Variants in SLC4A10 observed in about 807,000 individuals in gnomAD.
The protein encoded by SLC4A10 is sodium-driven chloride bicarbonate exchanger.
A neutral mutation model predicts 137.7 loss-of-function variants in SLC4A10; 42 were observed. That is an observed-to-expected ratio of 0.30 (90% confidence interval 0.24 to 0.39). SLC4A10 has a LOEUF of 0.39. Ranked by LOEUF, SLC4A10 falls within the 10% of genes least tolerant of loss-of-function variation. The pLI, the probability that SLC4A10 is intolerant of heterozygous loss-of-function variation, is 1.00. For missense variants in SLC4A10, 925 were observed against 1,355.0 expected (o/e 0.68, Z 4.98); for synonymous variants, 474 against 464.1 (o/e 1.02, Z -0.27).
intron 5 of SLC4A10, 50 bp downstream of exon 5, chr2:161,855,180 T>A: frequency 6.6e-7 from 1 of 1,522,108 alleles, no homozygotes; most frequent in Non-Finnish European, 8.9e-7. Flanking sequence ...TAATTTTTTG[T>A]TACTCTCTTT....
At chr2:161,956,224 G>A (rs1695635925) in intron 19 of SLC4A10, among the ~76,000 whole-genome samples, 1 of 152,086 alleles carries the variant, frequency 6.6e-6, no homozygotes, top group Non-Finnish European at 1.5e-5. Context: ...AGCCCAGTGA[G>A]GTGCCTTCTA....
chr2:161,839,759 TCATGG>T (rs1406091858), intron 3 of SLC4A10, 25 bp from the exon 4 acceptor site: 6 of 1,611,864 alleles, frequency 3.7e-6, no homozygotes, highest in Non-Finnish European at 5.1e-6. Flanking sequence ...TAATACATGT[TCATGG>T]TAATACATGT....
intron 22 of SLC4A10, among the ~76,000 whole-genome samples, chr2:161,964,802 G>GT (rs1417252365): frequency 6.6e-6 from 1 of 151,880 alleles, no homozygotes; most frequent in Non-Finnish European, 1.5e-5. Flanking sequence ...CATTTTATAG[G>GT]TTTTTTAAAA....
intron 21 of SLC4A10, among the ~76,000 whole-genome samples, chr2:161,962,139 CTA>C (rs1696832487): frequency 6.6e-6 from 1 of 152,216 alleles, no homozygotes; most frequent in African/African-American, 2.4e-5. Flanking sequence ...TTGAAGGAAT[CTA>C]TGTTACCTGC....
intron 3 of SLC4A10, among the ~76,000 whole-genome samples, chr2:161,810,205 TG>T (rs2056405345): frequency 6.6e-6 from 1 of 152,090 alleles, no homozygotes; most frequent in Non-Finnish European, 1.5e-5. Flanking sequence ...TATTGACTTT[TG>T]TACATTGATT....
chr2:161,630,731 A>G (rs138951267), intron 1 of SLC4A10, among the ~76,000 whole-genome samples: 1 of 151,804 alleles, frequency 6.6e-6, no homozygotes, highest in African/African-American at 2.4e-5. Flanking sequence ...AATAATAGAT[A>G]TTGTCTCAGG....
chr2:161,806,913 T>G (rs1200712656), intron 3 of SLC4A10, among the ~76,000 whole-genome samples: 1 of 152,154 alleles, frequency 6.6e-6, no homozygotes, highest in African/African-American at 2.4e-5. Flanking sequence ...ATTAATATGT[T>G]TTCACACTGC....
At chr2:161,788,980 G>A (rs1330636738) in intron 2 of SLC4A10, among the ~76,000 whole-genome samples, 2 of 152,176 alleles carry the variant, frequency 1.3e-5, no homozygotes, top group Non-Finnish European at 2.9e-5. Flanking sequence ...CCAGAGACCC[G>A]CCAGTCTCCT....
chr2:161,822,195 A>G (rs1225709110), intron 3 of SLC4A10, among the ~76,000 whole-genome samples: 1 of 152,224 alleles, frequency 6.6e-6, no homozygotes, highest in Non-Finnish European at 1.5e-5. Flanking sequence ...ACTCATGTAC[A>G]TAGCAATTGA....
chr2:161,945,933 G>C (rs1411956838), intron 16 of SLC4A10, among the ~76,000 whole-genome samples: 2 of 151,872 alleles, frequency 1.3e-5, no homozygotes, highest in Non-Finnish European at 2.9e-5. Context: ...TAGATAATGT[G>C]TTTATCATGG....
intron 15 of SLC4A10, among the ~76,000 whole-genome samples, chr2:161,915,096 C>T (rs997498652): frequency 6.6e-6 from 1 of 152,090 alleles, no homozygotes; most frequent in African/African-American, 2.4e-5. Context: ...ATAAAGACCC[C>T]AGACTCAGCC....
intron 15 of SLC4A10, among the ~76,000 whole-genome samples, chr2:161,923,305 G>T (rs1010856058): frequency 6.6e-6 from 1 of 152,120 alleles, no homozygotes; most frequent in African/African-American, 2.4e-5. Context: ...AAAATTATTG[G>T]CATTTTATAC....
intron 1 of SLC4A10, among the ~76,000 whole-genome samples, chr2:161,641,247 A>G (rs2035282504): frequency 6.6e-6 from 1 of 152,134 alleles, no homozygotes; most frequent in Non-Finnish European, 1.5e-5. Flanking sequence ...GATGATTTTT[A>G]TGTACTTTCA....
intron 1 of SLC4A10, among the ~76,000 whole-genome samples, chr2:161,750,149 GT>G (rs2048815064): frequency 6.6e-6 from 1 of 150,766 alleles, no homozygotes; most frequent in Admixed American, 6.6e-5. Context: ...TTTTTTCTTA[GT>G]TAGTCTAGCT....
chr2:161,972,486 T>A (rs576739193), intron 23 of SLC4A10, among the ~76,000 whole-genome samples: 10 of 152,122 alleles, frequency 6.6e-5, no homozygotes, highest in Non-Finnish European at 1.2e-4. Flanking sequence ...CCAATGGTAA[T>A]CTCCATTCAC....
intron 1 of SLC4A10, among the ~76,000 whole-genome samples, chr2:161,641,369 T>C (rs2035301252): frequency 6.6e-6 from 1 of 151,770 alleles, no homozygotes; most frequent in South Asian, 2.1e-4. Flanking sequence ...ATGACAAATT[T>C]GACAAAAGTA....
At chr2:161,803,549 A>T (rs1453041537) in intron 2 of SLC4A10, among the ~76,000 whole-genome samples, 2 of 152,122 alleles carry the variant, frequency 1.3e-5, no homozygotes, top group Non-Finnish European at 2.9e-5. Flanking sequence ...AGCCCTGACA[A>T]CTGCTGATAT....
At chr2:161,646,935 T>C (rs2036134616) in intron 1 of SLC4A10, among the ~76,000 whole-genome samples, 1 of 152,018 alleles carries the variant, frequency 6.6e-6, no homozygotes, top group Non-Finnish European at 1.5e-5. Context: ...TACGAAGAGT[T>C]TTATGAGAGC....
chr2:161,933,197 TTCTTTCTTTC>T (rs1477565152), intron 15 of SLC4A10, among the ~76,000 whole-genome samples: 1 of 117,166 alleles, frequency 8.5e-6, no homozygotes, highest in South Asian at 3.6e-4. Flanking sequence ...CTTTCTTTCT[TTCTTTCTTTC>T]TTTCTTTCTT....
Sources: allele counts gnomAD v4.1 joint callset (sites outside exome capture counted in the v4.1 genomes callset), GRCh38; gene constraint gnomAD v4.1.1; transcripts MANE v1.5; gene names NCBI Gene and HGNC (gene_info 2026-07-23, HGNC 2026-07-21).